SHROOM4: variants seen among roughly 807,000 people sequenced by gnomAD.
SHROOM4 encodes the protein shroom family member 4, also known as protein Shroom4.
In SHROOM4, 17 loss-of-function variants were observed where a neutral mutation model predicts 80.3. That is an observed-to-expected ratio of 0.21 (90% CI 0.14 to 0.32). The LOEUF is 0.32. Among genes scored for constraint, SHROOM4 ranks in the 10% least tolerant of loss-of-function variants. The pLI, the probability that SHROOM4 is intolerant of heterozygous loss-of-function variation, is 1.00. For missense variants in SHROOM4, 993 were observed against 1,140.3 expected (o/e 0.87, Z 1.86); for synonymous variants, 400 against 437.5 (o/e 0.91, Z 1.07).
At chrX:50,655,507 C>G (rs1185242700) in intron 2 of SHROOM4, among the ~76,000 whole-genome samples, 2 of 104,842 alleles carry the variant, frequency 1.9e-5, no homozygotes, top group African/African-American at 6.9e-5. Context: ...ATATATATTT[C>G]ATATATTTTT....
intron 1 of SHROOM4, among the ~76,000 whole-genome samples, chrX:50,717,658 C>T (rs958833516): frequency 2.7e-5 from 3 of 111,674 alleles, no homozygotes; most frequent in African/African-American, 9.8e-5. Context: ...ATTTACATCA[C>T]TTCCACCAGA....
chrX:50,722,264 G>A (rs1557265485), intron 1 of SHROOM4, among the ~76,000 whole-genome samples: 1 of 108,927 alleles, frequency 9.2e-6, no homozygotes, highest in East Asian at 2.9e-4. Context: ...CTAGTATGGG[G>A]GCCCACAGCA....
Position 50,635,468 on chromosome X carries a change from C to G in SHROOM4, c.605G>C (p.Cys202Ser). 2 of 1,209,689 alleles carry G rather than the reference C, an allele frequency of 1.7e-6. No individual in the cohort carries two copies. Among genetic ancestry groups the G allele is most frequent in the African/African-American group, 1.7e-5 (1 of 57,829 alleles). The change falls in exon 4 of 9, where the codon TGT becomes TCT. Residue 202 changes from cysteine to serine, a missense_variant. Physicochemically the swap from Cys to Ser is moderately radical, Grantham distance 112. Coordinates refer to ENST00000376020, the MANE Select transcript of SHROOM4 (RefSeq NM_020717.5). ...CTCCTCTGGCCTGAGGGAAAGGGCA[C>G]AGTCAGAAGCATTTGAGCTGGCCGA... ...SFSASSNASD[C>S]ALSLRPEEPA...
intron 5 of SHROOM4, among the ~76,000 whole-genome samples, chrX:50,622,321 C>T (rs1457264490): frequency 3.6e-5 from 4 of 111,837 alleles, no homozygotes; most frequent in African/African-American, 1.3e-4. Context: ...TTCTAAAGTT[C>T]TGTGCAAAGT....
Position 50,598,457 on chromosome X carries a change from C to T in SHROOM4, c.4021G>A (p.Ala1341Thr), listed in dbSNP as rs782461256. The change falls in exon 8 of 9, where the codon GCC becomes ACC. Residue 1341 changes from alanine to threonine, a missense_variant. By Grantham distance (58) the Ala-to-Thr change is moderately conservative. Coordinates refer to ENST00000376020, the MANE Select transcript of SHROOM4 (RefSeq NM_020717.5). The part of the protein sequence containing the change: ...AQRGLLEDIN[A>T]NSALGEEVEA... ...ACCTCCTCCCCAAGGGCAGAATTGG[C>T]ATTGATGTCCTCTAGCAGCCCTCGC... The T allele has an allele frequency of 5.1e-5, 62 of 1,206,872 alleles. No homozygotes were observed. The highest frequency in any genetic ancestry group is 6.6e-5 in the Non-Finnish European group (59 of 893,581).
chrX:50,617,342 A>G (rs782580379), intron 5 of SHROOM4, among the ~76,000 whole-genome samples: 2 of 111,791 alleles, frequency 1.8e-5, no homozygotes, highest in South Asian at 7.6e-4. Flanking sequence ...GTTCCCATCA[A>G]GAGAATTGGA....
chrX:50,586,256 T>C (rs1928757541), downstream of SHROOM4, among the ~76,000 whole-genome samples: 1 of 111,986 alleles, frequency 8.9e-6, no homozygotes, highest in Non-Finnish European at 1.9e-5. Context: ...AACAAGTTGT[T>C]ATTTTTTCAG....
At position 50,594,385 on chromosome X, in the gene SHROOM4, T is replaced by C. The variant is rs1557246100; in HGVS notation, c.*2310A>G. On this transcript the variant is annotated 3_prime_UTR_variant, in exon 9 of 9. Transcript: ENST00000376020. ...TGGCAACTTTCCCTCCATGTGAAAATGAGCATCCTTGTGTTCTGATTCTAA... is the reference window on the plus strand; with the variant it reads ...TGGCAACTTTCCCTCCATGTGAAAACGAGCATCCTTGTGTTCTGATTCTAA... 2 of 112,346 alleles carry C rather than the reference T, an allele frequency of 1.8e-5. No individual in the cohort carries two copies. Among genetic ancestry groups the C allele is most frequent in the Non-Finnish European group, 1.9e-5 (1 of 53,291 alleles). The allele number at this position is 112,346 out of a possible 1,213,427, so 9.3% of individuals were successfully genotyped here. A position where few individuals can be genotyped will look rare whatever the true frequency, so the allele number is the denominator to read the frequency against.
intron 1 of SHROOM4, among the ~76,000 whole-genome samples, chrX:50,765,606 A>G (rs782781959): frequency 1.8e-5 from 2 of 112,117 alleles, no homozygotes; most frequent in East Asian, 5.6e-4. Context: ...AACTTTGCCA[A>G]TTATAGAGAT....
chrX:50,712,208 G>T (rs1933836304), intron 1 of SHROOM4, among the ~76,000 whole-genome samples: 1 of 111,438 alleles, frequency 9.0e-6, no homozygotes, highest in Admixed American at 9.5e-5. Flanking sequence ...TTTGTTTCTT[G>T]AAAATTGCAG....
intron 2 of SHROOM4, among the ~76,000 whole-genome samples, chrX:50,648,121 G>A (rs781908794): frequency 8.9e-6 from 1 of 111,990 alleles, no homozygotes; most frequent in African/African-American, 3.2e-5. Flanking sequence ...AGAAGCCAGA[G>A]AACCATTTAA....
chrX:50,713,077 C>G (rs1199289159), intron 1 of SHROOM4, among the ~76,000 whole-genome samples: 1 of 110,332 alleles, frequency 9.1e-6, no homozygotes, highest in African/African-American at 3.3e-5. Context: ...GGTATCCACC[C>G]CAGGAGATAA....
intron 1 of SHROOM4, among the ~76,000 whole-genome samples, chrX:50,807,538 G>A (rs1936251513): frequency 8.9e-6 from 1 of 111,854 alleles, no homozygotes; most frequent in Non-Finnish European, 1.9e-5. Context: ...GTTCAGAGAG[G>A]TAAAAAGGAA....
intron 2 of SHROOM4, among the ~76,000 whole-genome samples, chrX:50,649,092 G>A (rs782364838): frequency 8.9e-5 from 10 of 112,140 alleles, no homozygotes; most frequent in Non-Finnish European, 1.9e-4. Context: ...AATCAACAGC[G>A]TTGGACTGCT....
At chrX:50,604,971 T>C (rs1345007331) in intron 6 of SHROOM4, among the ~76,000 whole-genome samples, 1 of 112,246 alleles carries the variant, frequency 8.9e-6, no homozygotes, top group African/African-American at 3.2e-5. Context: ...AGTATGTAGG[T>C]TATAAAGGTA....
rs950299265 is a variant in SHROOM4 at position 50,633,442 on chromosome X, A to G, written c.2631T>C (p.Cys877=). The G allele has an allele frequency of 6.6e-6, 8 of 1,210,291 alleles. No individual in the cohort carries two copies. Among genetic ancestry groups the G allele is most frequent in the Admixed American group, 2.2e-5 (1 of 45,830 alleles). ...ENSMCCKPLH[C]GDFDYHRTCS... is the part of the protein sequence containing the mutation. ...AGGTCCTGTGGTAATCAAAATCACC[A>G]CAGTGTAGTGGCTTACAACACATGG... Residue 877 remains cysteine, a synonymous_variant, in exon 4 of 9, where the codon TGT becomes TGC. Coordinates refer to ENST00000376020, the MANE Select transcript of SHROOM4 (RefSeq NM_020717.5).
At chrX:50,773,552 T>C (rs1157467332) in intron 1 of SHROOM4, among the ~76,000 whole-genome samples, 4 of 112,482 alleles carry the variant, frequency 3.6e-5, no homozygotes, top group African/African-American at 1.3e-4. Flanking sequence ...AGGAAGAGTT[T>C]CAACGATTCA....
the SHROOM4 span, among the ~76,000 whole-genome samples, chrX:50,580,590 T>C: frequency 8.9e-6 from 1 of 112,264 alleles, no homozygotes; most frequent in African/African-American, 3.2e-5. Context: ...AGAAGTGGCA[T>C]CCATTCTCCC....
Position 50,607,726 on chromosome X carries a change from T to TC in SHROOM4, c.3415dup (p.Glu1139GlyfsTer39), listed in dbSNP as rs587780460. 5,702 of 1,171,030 alleles carry TC rather than the reference T, an allele frequency of 4.9e-3. 23 individuals are homozygous for TC. Among genetic ancestry groups the TC allele is most frequent in the Middle Eastern group, 0.017 (69 of 4,106 alleles). On this transcript the variant is annotated frameshift_variant, in exon 6 of 9. Coordinates refer to ENST00000376020, the MANE Select transcript of SHROOM4 (RefSeq NM_020717.5). LOFTEE classifies it high-confidence loss of function. ...CTCTTCCTCTTCCTCTTCTTCTTCT[T>TC]CTTCCTCCTCCTCCTCCTCCTCCTG...
Sources: allele counts gnomAD v4.1 joint callset (sites outside exome capture counted in the v4.1 genomes callset), GRCh38; gene constraint gnomAD v4.1.1; transcripts MANE v1.5; gene names NCBI Gene and HGNC (gene_info 2026-07-23, HGNC 2026-07-21).